BEND3: variants seen among roughly 807,000 people sequenced by gnomAD.
BEND3 encodes the protein BEN domain-containing protein 3.
A neutral mutation model predicts 60.1 loss-of-function variants in BEND3; 13 were observed. That is an observed-to-expected ratio of 0.22 (90% CI 0.14 to 0.34). The LOEUF is 0.34. Ranked by LOEUF, BEND3 falls within the 10% of genes least tolerant of loss-of-function variation. BEND3 has a pLI of 1.00. For synonymous variants in BEND3, 497 were observed against 491.5 expected (o/e 1.01, Z -0.15); for missense variants, 896 against 1,138.1 (o/e 0.79, Z 3.06).
At chr6:107,097,943 T>C (rs1377089164) in intron 3 of BEND3, among the ~76,000 whole-genome samples, 6 of 152,060 alleles carry the variant, frequency 3.9e-5, no homozygotes, top group African/African-American at 1.4e-4. Context: ...ACCAAATCCC[T>C]AAAATGTATA....
rs189811951 is a variant in BEND3, at chr6:107,073,223, A to G, written c.241-2273T>C. ...TATGTATATATATATATATATATAT[A>G]TATATATATATATATATATATATAT... On this transcript the variant is annotated intron_variant, in intron 3 of 3. Transcript: ENST00000369042. Among the ~76,000 whole-genome samples, 12 of 11,798 alleles carry G rather than the reference A, an allele frequency of 1.0e-3. 1 individual carries two copies. The highest frequency in any genetic ancestry group is 2.2e-3 in the African/African-American group (11 of 4,976). 7.7% of individuals were successfully genotyped at this position (11,798 alleles called of 152,430 possible). A position where few individuals can be genotyped will look rare whatever the true frequency, so the allele number is the denominator to read the frequency against.
In BEND3 at chr6:107,069,004, G is replaced by A. The variant is rs1235781600; in HGVS notation, c.2187C>T (p.Ile729=). 32 of 1,613,790 alleles carry A rather than the reference G, an allele frequency of 2.0e-5. No individual in the cohort carries two copies. Among genetic ancestry groups the A allele is most frequent in the East Asian group, 4.5e-5 (2 of 44,878 alleles). ...TGCCCACGGAGAGGCTCTGCTGCAC[G>A]ATCTCACGCACCTCCTTGTCAGACA... ...YLLSDKEVRE[I]VQQSLSVGNF... is the part of the protein sequence containing the mutation. Residue 729 remains isoleucine, a synonymous_variant, in exon 4 of 4, where the codon ATC becomes ATT. Transcript: ENST00000369042.
intron 1 of BEND3, among the ~76,000 whole-genome samples, chr6:107,103,632 G>T (rs1775746816): frequency 6.6e-6 from 1 of 152,086 alleles, no homozygotes; most frequent in Non-Finnish European, 1.5e-5. Context: ...TCAGACAGCT[G>T]AGCTAAGCCT....
At chr6:107,114,334 A>G (rs1554238960) in intron 1 of BEND3, 1 of 152,034 alleles carries the variant, frequency 6.6e-6, no homozygotes, top group Admixed American at 6.5e-5. Flanking sequence ...TGCACACCCA[A>G]GGCGCCGGGC....
At chr6:107,112,804 G>C (rs1554238656) in intron 1 of BEND3, among the ~76,000 whole-genome samples, 1 of 146,688 alleles carries the variant, frequency 6.8e-6, no homozygotes, top group Non-Finnish European at 1.5e-5. Context: ...GGTGAGCCAA[G>C]ATCAGACCAT....
rs72190692 is a variant in BEND3, at chr6:107,099,876, T to TC, written c.-11-581_-11-580insG. 7.8e-3 allele frequency among the ~76,000 whole-genome samples: 1,176 copies of TC among 151,362 alleles called. 11 individuals are homozygous for TC. The highest frequency in any genetic ancestry group is 0.028 in the African/African-American group (1,134 of 41,158). On this transcript the variant is annotated intron_variant, in intron 1 of 3. Coordinates refer to ENST00000369042, the MANE Select transcript of BEND3 (RefSeq NM_001367314.1). The stretch of plus-strand genomic sequence containing the variant: ...ATGCAAAATATCTCACTAGTAATTT[T>TC]TTTTTTTTTAGAGGAAAGGTCTCAC...
intron 1 of BEND3, among the ~76,000 whole-genome samples, chr6:107,102,889 A>G (rs1459658376): frequency 1.3e-5 from 2 of 152,188 alleles, no homozygotes; most frequent in Non-Finnish European, 2.9e-5. Context: ...GAAACCCAGG[A>G]CAGGTAACTC....
At chr6:107,080,435 C>T (rs543278752) in intron 3 of BEND3, among the ~76,000 whole-genome samples, 159 of 149,200 alleles carry the variant, frequency 1.1e-3, no homozygotes, top group Middle Eastern at 3.6e-3. Context: ...ACAGTACATA[C>T]ACCCCACCCT....
At chr6:107,081,647 T>C (rs1306744825) in intron 3 of BEND3, among the ~76,000 whole-genome samples, 2 of 152,108 alleles carry the variant, frequency 1.3e-5, no homozygotes, top group African/African-American at 2.4e-5. Context: ...ACTGGGCAAG[T>C]CATATGAGAA....
chr6:107,069,128 G>A lies in BEND3; in HGVS notation c.2063C>T (p.Pro688Leu). The A allele has an allele frequency of 6.2e-7, 1 of 1,612,760 alleles. No individual in the cohort carries two copies. The highest frequency in any genetic ancestry group is 8.5e-7 in the Non-Finnish European group (1 of 1,179,996). The change falls in exon 4 of 4, where the codon CCA becomes CTA. Residue 688 changes from proline to leucine, a missense_variant. Physicochemically the swap from Pro to Leu is moderately conservative, Grantham distance 98. Coordinates refer to ENST00000369042, the MANE Select transcript of BEND3 (RefSeq NM_001367314.1). ...ERFREEFEGP[P>L]LPPERSSKDF... is the part of the protein sequence containing the mutation. Reference sequence around the variant, plus strand: ...CTTGCTGCTCCTCTCGGGGGGCAGTGGGGGCCCCTCAAACTCCTCCCGGAA... The same window carrying A: ...CTTGCTGCTCCTCTCGGGGGGCAGTAGGGGCCCCTCAAACTCCTCCCGGAA...
chr6:107,069,247 C>T lies in BEND3; in HGVS notation c.1944G>A (p.Thr648=), dbSNP rs143892868. The T allele has an allele frequency of 3.4e-5, 54 of 1,611,580 alleles. No individual in the cohort carries two copies. Among genetic ancestry groups the T allele is most frequent in the Middle Eastern group, 1.7e-4 (1 of 5,836 alleles). Residue 648 remains threonine, a synonymous_variant, in exon 4 of 4, where the codon ACG becomes ACA. Transcript: ENST00000369042. ...KLDERCRRRD[T]EQRRSYQQQR... is the part of the protein sequence containing the mutation. ...GCTGCTGGTAGGAGCGCCTTTGCTC[C>T]GTGTCCCGGCGCCGGCAGCGCTCAT... is the stretch of plus-strand genomic sequence containing the variant.
chr6:107,110,856 T>A (rs1770061388), intron 1 of BEND3, among the ~76,000 whole-genome samples: 1 of 149,858 alleles, frequency 6.7e-6, no homozygotes, highest in Admixed American at 6.7e-5. Flanking sequence ...CACCCAGTCA[T>A]TTAAGTTTCA....
At chr6:107,108,638 T>C (rs1022722276) in intron 1 of BEND3, among the ~76,000 whole-genome samples, 1 of 152,164 alleles carries the variant, frequency 6.6e-6, no homozygotes, top group Non-Finnish European at 1.5e-5. Flanking sequence ...GCTAGCTCCA[T>C]GCTCAAACCA....
chr6:107,093,822 C>T (rs576371227), intron 3 of BEND3, among the ~76,000 whole-genome samples: 1 of 152,116 alleles, frequency 6.6e-6, no homozygotes, highest in South Asian at 2.1e-4. Flanking sequence ...CATAGATGAC[C>T]TTGGGTTTGG....
intron 3 of BEND3, among the ~76,000 whole-genome samples, chr6:107,082,160 T>C (rs1025757017): frequency 1.3e-5 from 2 of 152,194 alleles, no homozygotes; most frequent in Non-Finnish European, 2.9e-5. Flanking sequence ...AACAGGACAC[T>C]AGCACATGTG....
At chr6:107,082,719 G>A (rs111292415) in intron 3 of BEND3, among the ~76,000 whole-genome samples, 15 of 152,282 alleles carry the variant, frequency 9.9e-5, no homozygotes, top group East Asian at 3.9e-4. Context: ...GTGAGCAACC[G>A]CGCCCAGCCT....
rs113685178 is a variant in BEND3, at chr6:107,069,390, G to A, written c.1801C>T (p.Leu601=). The change falls in exon 4 of 4, where the codon CTG becomes TTG. Residue 601 remains leucine, a synonymous_variant. Coordinates refer to ENST00000369042, the MANE Select transcript of BEND3 (RefSeq NM_001367314.1). ...GAGGGGTCCAGCTGCTTCTTGCCCA[G>A]GGAGCCGCTGCAGTTGTACTGCTTG... ...LRKQYNCSGS[L]GKKQLDPSRI... is the part of the protein sequence containing the mutation. The A allele has an allele frequency of 4.3e-4, 691 of 1,612,608 alleles. 8 individuals are homozygous for A. In the African/African-American group the frequency reaches 8.1e-3, roughly 19 times the overall value.
At chr6:107,084,251 T>G (rs1775294020) in intron 3 of BEND3, among the ~76,000 whole-genome samples, 1 of 152,214 alleles carries the variant, frequency 6.6e-6, no homozygotes, top group African/African-American at 2.4e-5. Flanking sequence ...GAGGAATTGC[T>G]GGAGACGCAG....
At position 107,103,046 on chromosome 6, in the gene BEND3, G is replaced by A. The variant is rs41457444; in HGVS notation, c.-11-3750C>T. On this transcript the variant is annotated intron_variant, in intron 1 of 3. Transcript: ENST00000369042. ...GAACCATGGGCCTGTTTCCAAATTT[G>A]AGTCCCTCTGTCCAACAGCACCAGG... Among the ~76,000 whole-genome samples, 1,320 of 152,196 alleles carry A rather than the reference G, an allele frequency of 8.7e-3. 21 individuals carry two copies. Among genetic ancestry groups the A allele is most frequent in the Admixed American group, 0.031 (478 of 15,274 alleles).
Sources: gnomAD v4.1 joint callset for allele counts (sites outside exome capture counted in the v4.1 genomes callset) on GRCh38, gnomAD v4.1.1 for gene constraint, MANE v1.5 for transcripts, NCBI Gene and HGNC (gene_info 2026-07-23, HGNC 2026-07-21) for gene names.